The following RPL28 variants were observed in gnomAD, a reference collection of about 807,000 sequenced individuals.
RPL28 encodes ribosomal protein L28.
In RPL28, 4 loss-of-function variants were observed where a neutral mutation model predicts 12.5. The observed-to-expected ratio is 0.32, with a 90% CI of 0.16 to 0.73. RPL28 has a LOEUF of 0.73. Ranked by LOEUF, RPL28 falls within the 30% of genes least tolerant of loss-of-function variation. The pLI, the probability that RPL28 is intolerant of heterozygous loss-of-function variation, is 0.66. For missense variants in RPL28, 214 were observed against 197.7 expected (o/e 1.08, Z -0.49); for synonymous variants, 91 against 72.5 (o/e 1.26, Z -1.30).
chr19:55,391,950 C>T lies in RPL28; in HGVS notation c.*3618C>T. On this transcript the variant is annotated 3_prime_UTR_variant, in exon 5 of 5. Coordinates refer to ENST00000344063, the MANE Select transcript of RPL28 (RefSeq NM_000991.5). ...GTGGGGCTGTGAGCTTTCCCAGCCTCCTGCCCGTGTTTGTGAATATCATTC... is the reference window on the plus strand; with the variant it reads ...GTGGGGCTGTGAGCTTTCCCAGCCTTCTGCCCGTGTTTGTGAATATCATTC... 8.1e-7 allele frequency: 1 copy of T among 1,237,068 alleles called. No homozygotes were observed. 76.6% of individuals were successfully genotyped at this position (1,237,068 alleles called of 1,614,324 possible). A position where few individuals can be genotyped will look rare whatever the true frequency, so the allele number is the denominator to read the frequency against.
At position 55,391,622 on chromosome 19, in the gene RPL28, A is replaced by T. The variant is rs1183798531; in HGVS notation, c.*3290A>T. The T allele has an allele frequency of 6.5e-7, 1 of 1,547,158 alleles. No homozygotes were observed. The highest frequency in any genetic ancestry group is 2.4e-5 in the East Asian group (1 of 40,882). On this transcript the variant is annotated 3_prime_UTR_variant, in exon 5 of 5. Transcript: ENST00000344063. ...CTGTGCAACCTTGGGCAAGTTCCTC[A>T]ACCTCTCTGTGTCTTCGTACCCTCA...
intron 4 of RPL28, chr19:55,400,392 C>G (rs1212102371): frequency 1.3e-5 from 2 of 152,144 alleles, no homozygotes; most frequent in Non-Finnish European, 2.9e-5. Flanking sequence ...GGAAGTTTCC[C>G]CACCCCCTGG....
downstream of RPL28, among the ~76,000 whole-genome samples, chr19:55,393,656 G>A (rs1034859541): frequency 2.3e-4 from 29 of 125,864 alleles, no homozygotes; most frequent in African/African-American, 8.3e-4. Context: ...TTTTTGAGAT[G>A]GAGTCTTGCT....
intron 1 of RPL28, 69 bp downstream of exon 1, chr19:55,386,034 C>T (rs2089919572): frequency 1.1e-5 from 4 of 355,284 alleles, no homozygotes; most frequent in Non-Finnish European, 1.6e-5. Flanking sequence ...AGTCCTCTGC[C>T]TGCCTTCTCC....
intron 1 of RPL28, 78 bp downstream of exon 1, chr19:55,386,043 C>G (rs568624153): frequency 2.8e-6 from 1 of 355,994 alleles, no homozygotes; most frequent in African/African-American, 2.1e-5. Flanking sequence ...CCTGCCTTCT[C>G]CCCTTGCGCC....
At chr19:55,386,251 C>G in intron 1 of RPL28, 99 bp from the exon 2 acceptor site, 1 of 1,128,232 alleles carries the variant, frequency 8.9e-7, no homozygotes. Context: ...ACCCAAGTTC[C>G]CAGTCGCTCT....
At position 55,387,071 on chromosome 19, in the gene RPL28, CTT is replaced by C; in HGVS notation, c.205+379_205+380del. 1.6e-5 allele frequency: 23 copies of C among 1,422,850 alleles called. No homozygotes were observed. In the South Asian group the frequency reaches 3.4e-4, roughly 21 times the overall value. The allele number at this position is 1,422,850 out of a possible 1,614,324, so 88.1% of individuals were successfully genotyped here. A position where few individuals can be genotyped will look rare whatever the true frequency, so the allele number is the denominator to read the frequency against. On this transcript the variant is annotated intron_variant, in intron 3 of 4. Coordinates refer to ENST00000344063, the MANE Select transcript of RPL28 (RefSeq NM_000991.5). ...CAGGGGAGGGGCCCTCGCTACCACA[CTT>C]AGGAGGGGACAGGCTGGGTTGGTTG...
downstream of RPL28, among the ~76,000 whole-genome samples, chr19:55,395,699 T>C (rs1328175125): frequency 2.6e-5 from 4 of 151,952 alleles, no homozygotes; most frequent in Admixed American, 6.6e-5. Context: ...CACCTTGGCC[T>C]CCCAAAGTGC....
Position 55,389,933 on chromosome 19 carries a change from C to A in RPL28, c.*1601C>A. On this transcript the variant is annotated 3_prime_UTR_variant, in exon 5 of 5. Transcript: ENST00000344063. ...CAGTCCCACTCAGGCCCATCTCTGG[C>A]TGGCCTCACTGCGCTGGGACTCCGC... 1 of 985,548 alleles carries A rather than the reference C, an allele frequency of 1.0e-6. No homozygotes were observed. Among genetic ancestry groups the A allele is most frequent in the Non-Finnish European group, 1.2e-6 (1 of 829,990 alleles). 61.1% of individuals were successfully genotyped at this position (985,548 alleles called of 1,614,324 possible).
At position 55,387,418 on chromosome 19, in the gene RPL28, A is replaced by G. The variant is rs1290756992; in HGVS notation, c.206-512A>G. 3.0e-5 allele frequency: 46 copies of G among 1,542,222 alleles called. No homozygotes were observed. In the Middle Eastern group the frequency reaches 9.0e-4, roughly 30 times the overall value. ...GGACACGTAGTCCAGGGAGCAGCCA[A>G]TTGCTTGGCACTTGGGGACCCCGTT... is the stretch of plus-strand genomic sequence containing the variant. On this transcript the variant is annotated intron_variant, in intron 3 of 4. Transcript: ENST00000344063.
chr19:55,387,858 C>G, intron 3 of RPL28, 72 bp from the exon 4 acceptor site: 1 of 1,502,290 alleles, frequency 6.7e-7, no homozygotes, highest in South Asian at 1.4e-5. Flanking sequence ...GTGAGACTGT[C>G]CACACCTGCG....
rs1484674216 is a variant in RPL28, at chr19:55,388,961, C to T, written c.*629C>T. 7 of 985,322 alleles carry T rather than the reference C, an allele frequency of 7.1e-6. No homozygotes were observed. The highest frequency in any genetic ancestry group is 5.2e-5 in the African/African-American group (3 of 57,188). The allele number at this position is 985,322 out of a possible 1,614,324, so 61.0% of individuals were successfully genotyped here. ...GGCATTGAGCAGCCTTAGCATTGTC[C>T]CCCTACTCCCGTCCTCCAGGTGTCC... On this transcript the variant is annotated 3_prime_UTR_variant, in exon 5 of 5. Transcript: ENST00000344063.
chr19:55,391,357 G>A lies in RPL28; in HGVS notation c.*3025G>A, dbSNP rs538596876. The A allele has an allele frequency of 1.7e-6, 2 of 1,162,848 alleles. No individual in the cohort carries two copies. The highest frequency in any genetic ancestry group is 3.3e-4 in the Middle Eastern group (1 of 3,062). The allele number at this position is 1,162,848 out of a possible 1,614,324, so 72.0% of individuals were successfully genotyped here. A position where few individuals can be genotyped will look rare whatever the true frequency, so the allele number is the denominator to read the frequency against. On this transcript the variant is annotated 3_prime_UTR_variant, in exon 5 of 5. Transcript: ENST00000344063. ...CCATATGTAAAAGGCCATTTTGAGTGCCTTTCACAGCCCTGCATAAGGCAG... is the reference window on the plus strand; with the variant it reads ...CCATATGTAAAAGGCCATTTTGAGTACCTTTCACAGCCCTGCATAAGGCAG...
At chr19:55,399,735 C>G (rs541808956) in intron 4 of RPL28, 10 of 152,338 alleles carry the variant, frequency 6.6e-5, no homozygotes, top group Admixed American at 5.2e-4. Context: ...TTGAGGAACT[C>G]TGTCAGGGCT....
Position 55,388,262 on chromosome 19 carries a change from G to C in RPL28, c.344G>C (p.Ser115Thr). The part of the protein sequence containing the change: ...DLRMAAIRRA[S>T]AILRSQKPVM... ...CCCCAGGCAGCCATCCGCAGGGCCA[G>C]CGCCATCCTGCGCAGCCAGAAGCCT... The change falls in exon 5 of 5, where the codon AGC (serine) becomes ACC (threonine). Residue 115 changes from serine (S) to threonine (T), a missense_variant. Coordinates refer to ENST00000344063, the MANE Select transcript of RPL28 (RefSeq NM_000991.5). The C allele has an allele frequency of 6.4e-7, 1 of 1,572,602 alleles. No homozygotes were observed. Among genetic ancestry groups the C allele is most frequent in the Non-Finnish European group, 8.6e-7 (1 of 1,160,386 alleles).
intron 3 of RPL28, chr19:55,387,323 G>C: frequency 6.4e-7 from 1 of 1,551,694 alleles, no homozygotes; most frequent in South Asian, 1.2e-5. Flanking sequence ...AACTGCCTCA[G>C]AGCCAAGGGT....
chr19:55,388,495 T>C lies in RPL28; in HGVS notation c.*163T>C, dbSNP rs1569041495. The C allele has an allele frequency of 1.5e-6, 2 of 1,316,608 alleles. No homozygotes were observed. Among genetic ancestry groups the C allele is most frequent in the Non-Finnish European group, 1.9e-6 (2 of 1,028,708 alleles). The allele number at this position is 1,316,608 out of a possible 1,614,324, so 81.6% of individuals were successfully genotyped here. On this transcript the variant is annotated 3_prime_UTR_variant, in exon 5 of 5. Coordinates refer to ENST00000344063, the MANE Select transcript of RPL28 (RefSeq NM_000991.5). The stretch of plus-strand genomic sequence containing the variant: ...CTTGTCCATCTGGAGGTGATGTCAA[T>C]GGCTGGCCATGCAGGAGGGGTGGGG...
intron 4 of RPL28, among the ~76,000 whole-genome samples, chr19:55,398,997 G>C (rs1400830053): frequency 2.0e-5 from 3 of 151,624 alleles, no homozygotes; most frequent in Admixed American, 6.6e-5. Flanking sequence ...ACCGTGCCCG[G>C]TTTGTTTTGA....
In RPL28 at chr19:55,389,661, T is replaced by C. The variant is rs2089971325; in HGVS notation, c.*1329T>C. ...GACCTCAGTCCTGTCTGCTCCAGTC[T>C]TGCCCAGCTCGAAGGAGAGCAGATC... On this transcript the variant is annotated 3_prime_UTR_variant, in exon 5 of 5. Coordinates refer to ENST00000344063, the MANE Select transcript of RPL28 (RefSeq NM_000991.5). The C allele has an allele frequency of 1.0e-6, 1 of 985,548 alleles. No homozygotes were observed. The highest frequency in any genetic ancestry group is 1.2e-6 in the Non-Finnish European group (1 of 830,000). The allele number at this position is 985,548 out of a possible 1,614,324, so 61.1% of individuals were successfully genotyped here. A position where few individuals can be genotyped will look rare whatever the true frequency, so the allele number is the denominator to read the frequency against.
Sources: allele counts gnomAD v4.1 joint callset (sites outside exome capture counted in the v4.1 genomes callset), GRCh38; gene constraint gnomAD v4.1.1; transcripts MANE v1.5; gene names NCBI Gene and HGNC (gene_info 2026-07-23, HGNC 2026-07-21).